The following PPFIBP1 variants were observed in gnomAD, a reference collection of about 807,000 sequenced individuals.
PPFIBP1 encodes PPFIB scaffold protein 1, also known as liprin-beta-1.
PPFIBP1 carries 112 observed loss-of-function variants against 137.8 expected under a neutral mutation model. The observed-to-expected ratio is 0.81, with a 90% confidence interval of 0.70 to 0.95. The LOEUF is 0.95. Among genes scored for constraint, PPFIBP1 ranks in the 40% least tolerant of loss-of-function variants. The probability of loss-of-function intolerance (pLI) is 0.00; values close to 1 mark genes in which losing one functional copy is unlikely to be tolerated. For synonymous variants in PPFIBP1, 378 were observed against 417.3 expected (o/e 0.91, Z 1.15); for missense variants, 1,083 against 1,196.6 (o/e 0.91, Z 1.40).
At position 27,577,685 on chromosome 12, in the gene PPFIBP1, TA is replaced by T. The variant is rs376692677; in HGVS notation, c.-123-466del. On this transcript the variant is annotated intron_variant, in intron 1 of 29. Coordinates refer to ENST00000228425, the MANE Select transcript of PPFIBP1 (RefSeq NM_003622.4). Reference sequence around the variant, plus strand: ...ATGCAAGTCTGAAAAATAGTGTATGTATTTCTACATATTTTATACAACTTGT... The same window carrying T: ...ATGCAAGTCTGAAAAATAGTGTATGTTTTCTACATATTTTATACAACTTGT... Among the ~76,000 whole-genome samples, 221 of 152,362 alleles carry T rather than the reference TA, an allele frequency of 1.5e-3. 1 individual carries two copies. In the South Asian group the frequency reaches 0.027, roughly 19 times the overall value.
chr12:27,620,322 C>T (rs2056216345), intron 2 of PPFIBP1, among the ~76,000 whole-genome samples: 1 of 152,202 alleles, frequency 6.6e-6, no homozygotes, highest in South Asian at 2.1e-4. Context: ...TTCTGTGCCT[C>T]TGGGACCACA....
intron 2 of PPFIBP1, among the ~76,000 whole-genome samples, chr12:27,606,509 A>G (rs1394064369): frequency 2.0e-5 from 3 of 152,230 alleles, no homozygotes; most frequent in East Asian, 1.9e-4. Context: ...CAGAAAGTCC[A>G]TGTTTAAGTT....
rs755558835 is a variant in PPFIBP1 at position 27,671,450 on chromosome 12, A to C, written c.1166A>C (p.Gln389Pro). The C allele has an allele frequency of 6.3e-7, 1 of 1,591,156 alleles. No homozygotes were observed. Among genetic ancestry groups the C allele is most frequent in the Non-Finnish European group, 8.5e-7 (1 of 1,171,260 alleles). Residue 389 changes from glutamine to proline, a missense_variant, in exon 14 of 30, where the codon CAA (glutamine) becomes CCA (proline). Gln to Pro is a moderately conservative substitution (Grantham distance 76). Coordinates refer to ENST00000228425, the MANE Select transcript of PPFIBP1 (RefSeq NM_003622.4). ...TTACAGTTCCATACTACCATCTTGC[A>C]AGTTTCCATCCCTTCATTATTGCCA... ...VPEEFHTTIL[Q>P]VSIPSLLPAT...
chr12:27,562,911 G>A (rs1456884824), intron 1 of PPFIBP1, among the ~76,000 whole-genome samples: 1 of 152,076 alleles, frequency 6.6e-6, no homozygotes, highest in African/African-American at 2.4e-5. Context: ...CAGGCAGATT[G>A]GAATACTTGA....
chr12:27,673,833 T>C lies in PPFIBP1; in HGVS notation c.1380+6T>C. The stretch of plus-strand genomic sequence containing the variant: ...AGAAAGAGACATCTGATGGGGTGGG[T>C]TCTGTGTTTTTTGTTTTTTTTTGTC... On this transcript the variant is annotated splice_donor_region_variant and intron_variant, in intron 16 of 29. Transcript: ENST00000228425. The C allele has an allele frequency of 1.2e-6, 2 of 1,611,376 alleles. No individual in the cohort carries two copies. Among genetic ancestry groups the C allele is most frequent in the Non-Finnish European group, 1.7e-6 (2 of 1,178,998 alleles).
At chr12:27,555,429 C>G (rs1353886190) in intron 1 of PPFIBP1, among the ~76,000 whole-genome samples, 3 of 152,098 alleles carry the variant, frequency 2.0e-5, no homozygotes, top group Non-Finnish European at 4.4e-5. Context: ...TTCCTTATTC[C>G]TTTATTTGAT....
intron 26 of PPFIBP1, 57 bp from the exon 27 acceptor site, chr12:27,688,958 C>G (rs2061355315): frequency 6.5e-7 from 1 of 1,550,006 alleles, no homozygotes; most frequent in African/African-American, 1.4e-5. Flanking sequence ...AAGCACAATA[C>G]AAACATGTAT....
chr12:27,634,865 C>T, intron 3 of PPFIBP1, 45 bp from the exon 4 acceptor site: 1 of 1,541,514 alleles, frequency 6.5e-7, no homozygotes, highest in Non-Finnish European at 8.9e-7. Context: ...GTATTTTTAT[C>T]TAACATAAAT....
intron 2 of PPFIBP1, among the ~76,000 whole-genome samples, chr12:27,590,524 C>A (rs2052373835): frequency 6.6e-6 from 1 of 152,108 alleles, no homozygotes; most frequent in South Asian, 2.1e-4. Context: ...TGGTGGTTGC[C>A]TTTAGATCTC....
chr12:27,600,394 C>T (rs1179388158), intron 2 of PPFIBP1, among the ~76,000 whole-genome samples: 1 of 151,558 alleles, frequency 6.6e-6, no homozygotes. Flanking sequence ...TGAGATCGGG[C>T]CACTGCACTC....
intron 2 of PPFIBP1, among the ~76,000 whole-genome samples, chr12:27,619,732 G>A (rs926954300): frequency 2.0e-5 from 3 of 152,122 alleles, no homozygotes; most frequent in African/African-American, 4.8e-5. Context: ...TAGAAACGTT[G>A]CTGTCTTTGT....
chr12:27,652,046 T>A (rs1482061354), intron 7 of PPFIBP1, among the ~76,000 whole-genome samples: 1 of 152,242 alleles, frequency 6.6e-6, no homozygotes, highest in East Asian at 1.9e-4. Flanking sequence ...TGGTAAACTT[T>A]GTGATGTTAC....
intron 1 of PPFIBP1, among the ~76,000 whole-genome samples, chr12:27,568,383 C>T (rs1179703247): frequency 6.6e-6 from 1 of 152,102 alleles, no homozygotes; most frequent in East Asian, 1.9e-4. Context: ...GGAGAGTGTT[C>T]TTAAGTGATA....
At chr12:27,641,950 TAAATAAA>T (rs2058138426) in intron 4 of PPFIBP1, among the ~76,000 whole-genome samples, 1 of 68,110 alleles carries the variant, frequency 1.5e-5, no homozygotes, top group Non-Finnish European at 2.7e-5. Flanking sequence ...ACTGCAAAAA[TAAATAAA>T]TAAATAAATA....
At chr12:27,686,570 C>T (rs536265552) in intron 24 of PPFIBP1, among the ~76,000 whole-genome samples, 1 of 152,140 alleles carries the variant, frequency 6.6e-6, no homozygotes, top group Non-Finnish European at 1.5e-5. Context: ...TATAGTTGTG[C>T]CAAAATTGTT....
intron 1 of PPFIBP1, among the ~76,000 whole-genome samples, chr12:27,551,119 G>T (rs367870): frequency 0.81 from 122,376 of 151,866 alleles, 49,578 homozygotes; most frequent in East Asian, 0.98. Context: ...ATAGCTTGTA[G>T]TAAAAGTCAA....
chr12:27,548,248 A>G (rs1426959024), intron 1 of PPFIBP1: 3 of 152,192 alleles, frequency 2.0e-5, no homozygotes, highest in Non-Finnish European at 1.5e-5. Context: ...ATGTGTATAT[A>G]AATGCAGTTG....
chr12:27,671,393 TTTGA>T (rs762463678), intron 13 of PPFIBP1, 34 bp from the exon 14 acceptor site: 138 of 1,219,052 alleles, frequency 1.1e-4, no homozygotes, highest in Non-Finnish European at 1.4e-4. Context: ...TGTGTTTTGT[TTTGA>T]TTGATTGATT....
intron 1 of PPFIBP1, among the ~76,000 whole-genome samples, chr12:27,553,055 G>A (rs1397711955): frequency 6.6e-6 from 1 of 152,068 alleles, no homozygotes; most frequent in Non-Finnish European, 1.5e-5. Flanking sequence ...TGCACGCAGA[G>A]GCCTAGGAGA....
Sources: gnomAD v4.1 joint callset for allele counts (sites outside exome capture counted in the v4.1 genomes callset) on GRCh38, gnomAD v4.1.1 for gene constraint, MANE v1.5 for transcripts, NCBI Gene and HGNC (gene_info 2026-07-23, HGNC 2026-07-21) for gene names.